The following HOPX variants were observed in gnomAD, a reference collection of about 807,000 sequenced individuals.
HOPX encodes homeodomain-only protein.
Under a neutral mutation model 11.8 loss-of-function variants are expected in HOPX, and 5 were observed. The ratio of observed to expected loss-of-function variants is 0.43; its 90% CI spans 0.22 to 0.89. HOPX has a LOEUF of 0.89. Among genes scored for constraint, HOPX ranks in the 40% least tolerant of loss-of-function variants. HOPX has a pLI of 0.28. For synonymous variants in HOPX, 49 were observed against 49.7 expected (o/e 0.99, Z 0.06); for missense variants, 119 against 120.0 (o/e 0.99, Z 0.04).
At chr4:56,667,436 T>C (rs1454942626) in intron 1 of HOPX, among the ~76,000 whole-genome samples, 1 of 152,122 alleles carries the variant, frequency 6.6e-6, no homozygotes, top group African/African-American at 2.4e-5. Context: ...CAAACTGTTT[T>C]TTTTTCTCTG....
intron 1 of HOPX, among the ~76,000 whole-genome samples, chr4:56,676,037 C>T (rs759160212): frequency 1.4e-4 from 22 of 151,730 alleles, no homozygotes; most frequent in Non-Finnish European, 2.5e-4. Context: ...TGGCTCATGC[C>T]TGTAATGGCA....
In HOPX at chr4:56,657,783, G is replaced by A; in HGVS notation, c.34C>T (p.Leu12=). The change falls in exon 2 of 4, where the codon CTG becomes TTG. Residue 12 remains leucine (L), a synonymous_variant. Coordinates refer to ENST00000420433, the MANE Select transcript of HOPX (RefSeq NM_032495.6). The part of the protein sequence containing the change: ...LIFLGCYRRR[L]EERAGTMSAE... ...AGAACCTTGGAAATTACCTCTTCCAGTCTTCTTCTGTAACAGCCCAGGAAA... is the reference window on the plus strand; with the variant it reads ...AGAACCTTGGAAATTACCTCTTCCAATCTTCTTCTGTAACAGCCCAGGAAA... 7.9e-7 allele frequency: 1 copy of A among 1,267,520 alleles called. No homozygotes were observed. The highest frequency in any genetic ancestry group is 1.1e-6 in the Non-Finnish European group (1 of 887,370). 78.5% of individuals were successfully genotyped at this position (1,267,520 alleles called of 1,614,324 possible).
intron 3 of HOPX, among the ~76,000 whole-genome samples, chr4:56,653,825 C>T (rs1717428887): frequency 6.6e-6 from 1 of 152,318 alleles, no homozygotes; most frequent in African/African-American, 2.4e-5. Context: ...GCAGAAGAAC[C>T]TGCTATGCAG....
At chr4:56,666,930 A>G (rs1718470730) in intron 1 of HOPX, among the ~76,000 whole-genome samples, 1 of 152,218 alleles carries the variant, frequency 6.6e-6, no homozygotes, top group African/African-American at 2.4e-5. Context: ...GTATAAAATA[A>G]TCCTATTGAA....
chr4:56,666,266 G>A (rs1247626620), intron 1 of HOPX, among the ~76,000 whole-genome samples: 1 of 152,158 alleles, frequency 6.6e-6, no homozygotes, highest in African/African-American at 2.4e-5. Flanking sequence ...AAACGTTACA[G>A]CATCTGATAG....
In HOPX at chr4:56,667,074, G is replaced by A. The variant is rs374421015; in HGVS notation, c.-83-9175C>T. Among the ~76,000 whole-genome samples, 21 of 152,326 alleles carry A rather than the reference G, an allele frequency of 1.4e-4. No individual in the cohort carries two copies. In the East Asian group the frequency reaches 3.5e-3, roughly 25 times the overall value. ...GGGTTTCAAGGAACTGTTGAGGACT[G>A]TACAGATTTATAGCACAACTTCAAC... On this transcript the variant is annotated intron_variant, in intron 1 of 3. Coordinates refer to ENST00000420433, the MANE Select transcript of HOPX (RefSeq NM_032495.6).
At chr4:56,678,139 G>A (rs937259142) in intron 1 of HOPX, among the ~76,000 whole-genome samples, 8 of 151,476 alleles carry the variant, frequency 5.3e-5, no homozygotes, top group African/African-American at 1.2e-4. Context: ...CCCTATCCTC[G>A]CTGGAGCTGG....
At chr4:56,656,455 G>A (rs1717745995) in intron 2 of HOPX, 1 of 985,424 alleles carries the variant, frequency 1.0e-6, no homozygotes, top group Non-Finnish European at 1.2e-6. Context: ...GACAGATCGC[G>A]AGGGTGGGTT....
At chr4:56,680,458 C>T (rs1419203801) in intron 1 of HOPX, 7 of 152,182 alleles carry the variant, frequency 4.6e-5, no homozygotes, top group African/African-American at 1.7e-4. Context: ...TATACTTAAC[C>T]TTACTTAACT....
chr4:56,668,223 G>A (rs1421724174), intron 1 of HOPX, among the ~76,000 whole-genome samples: 1 of 151,972 alleles, frequency 6.6e-6, no homozygotes, highest in Non-Finnish European at 1.5e-5. Context: ...ACCACACGCG[G>A]CCAAACTGAT....
intron 1 of HOPX, among the ~76,000 whole-genome samples, chr4:56,673,257 T>G (rs1346295601): frequency 6.6e-6 from 1 of 152,082 alleles, no homozygotes; most frequent in Non-Finnish European, 1.5e-5. Context: ...CTTAAAATTA[T>G]AGTGTTCAGT....
chr4:56,655,972 G>T lies in HOPX; in HGVS notation c.83C>A (p.Thr28Lys), dbSNP rs773187944. The change falls in exon 3 of 4, where the codon ACA becomes AAA. Residue 28 changes from threonine to lysine, a missense_variant. Thr to Lys is a moderately conservative substitution (Grantham distance 78). Transcript: ENST00000420433. ...CTCCAGGATTTCCACCTGGTCCTCT[G>T]TGGGGCCGCTCGCGGTCTCCGCCGA... ...TMSAETASGP[T>K]EDQVEILEYN... The T allele has an allele frequency of 6.2e-7, 1 of 1,608,896 alleles. No homozygotes were observed. Among genetic ancestry groups the T allele is most frequent in the South Asian group, 1.1e-5 (1 of 89,710 alleles).
chr4:56,660,687 A>G (rs1021879873), intron 1 of HOPX, among the ~76,000 whole-genome samples: 1 of 152,224 alleles, frequency 6.6e-6, no homozygotes, highest in African/African-American at 2.4e-5. Context: ...GTTGTTCTCC[A>G]AGACTATTTA....
chr4:56,681,457 T>A (rs546495760), upstream of HOPX: 41 of 991,046 alleles, frequency 4.1e-5, no homozygotes, highest in Non-Finnish European at 4.7e-5. Context: ...AGGTTACGTC[T>A]CTCCTGGTTA....
chr4:56,655,748 CATGGGGAGGGCAGCCCG>C (rs1481882445), intron 3 of HOPX, 92 bp downstream of exon 3: 1 of 1,273,010 alleles, frequency 7.9e-7, no homozygotes, highest in Non-Finnish European at 1.1e-6. Context: ...GATGGGAGAT[CATGGGGAGGGCAGCCCG>C]GCGGGAGGCG....
At chr4:56,661,739 C>T (rs1449334561) in intron 1 of HOPX, among the ~76,000 whole-genome samples, 1 of 152,174 alleles carries the variant, frequency 6.6e-6, no homozygotes, top group Non-Finnish European at 1.5e-5. Context: ...AAAGTTTCCA[C>T]ATGTTTACTG....
At chr4:56,656,273 G>T in intron 2 of HOPX, 2 of 1,165,202 alleles carry the variant, frequency 1.7e-6, no homozygotes, top group Non-Finnish European at 2.1e-6. Context: ...CGCCCCCCGG[G>T]ACCCCTTGCA....
intron 1 of HOPX, among the ~76,000 whole-genome samples, chr4:56,669,737 C>CCAGGCAAACCTGGATATCGGGTTT: frequency 1.3e-5 from 2 of 151,892 alleles, no homozygotes; most frequent in South Asian, 2.1e-4. Context: ...CAGAAGAGTT[C>CCAGGCAAACCTGGATATCGGGTTT]CAGGCAAACC....
At chr4:56,669,132 G>C (rs1718591095) in intron 1 of HOPX, among the ~76,000 whole-genome samples, 1 of 152,216 alleles carries the variant, frequency 6.6e-6, no homozygotes, top group Non-Finnish European at 1.5e-5. Flanking sequence ...GACAGTCAGA[G>C]TGGCCTAGGT....
Sources: allele counts gnomAD v4.1 joint callset (sites outside exome capture counted in the v4.1 genomes callset), GRCh38; gene constraint gnomAD v4.1.1; transcripts MANE v1.5; gene names NCBI Gene and HGNC (gene_info 2026-07-23, HGNC 2026-07-21).